GPHN: variants seen among roughly 807,000 people sequenced by gnomAD.
GPHN encodes the protein gephyrin.
Under a neutral mutation model 95.5 loss-of-function variants are expected in GPHN, and 17 were observed. That is an observed-to-expected ratio of 0.18 (90% CI 0.12 to 0.27). The LOEUF (loss-of-function observed/expected upper bound fraction) is 0.27, where lower values mean the gene tolerates loss of function less well. Ranked by LOEUF, GPHN falls within the 10% of genes least tolerant of loss-of-function variation. GPHN has a pLI of 1.00. For synonymous variants in GPHN, 320 were observed against 322.5 expected, an observed-to-expected ratio of 0.99 and a Z score of 0.08; for missense variants, 660 against 978.1, an observed-to-expected ratio of 0.67 and a Z score of 4.34.
intron 1 of GPHN, among the ~76,000 whole-genome samples, chr14:66,605,617 C>T (rs542648359): frequency 6.8e-6 from 1 of 147,380 alleles, no homozygotes; most frequent in Admixed American, 7.0e-5. Flanking sequence ...GCAATCTCTG[C>T]CCCCCAGGTT....
chr14:67,342,557 C>CTTTTT, the GPHN span, among the ~76,000 whole-genome samples: 154 of 136,946 alleles, frequency 1.1e-3, 2 homozygotes, highest in South Asian at 0.021. Context: ...ACGAATTATC[C>CTTTTT]TTTTTTTTTT....
the GPHN span, chr14:67,447,825 G>A: frequency 1.3e-5 from 2 of 152,296 alleles, no homozygotes; most frequent in South Asian, 4.2e-4. Context: ...TGGCGAATGT[G>A]GGTGGAAGTG....
the GPHN span, chr14:67,473,709 G>T: frequency 6.3e-7 from 1 of 1,599,146 alleles, no homozygotes; most frequent in South Asian, 1.1e-5. This position sits in a 1 kb window ranked among gnomAD's most constrained non-coding sequence, Gnocchi z 6.5. Context: ...CAGGAGCAGC[G>T]GGCAGCGGCC....
At chr14:67,710,883 T>G in the GPHN span, among the ~76,000 whole-genome samples, 1 of 152,194 alleles carries the variant, frequency 6.6e-6, no homozygotes, top group Non-Finnish European at 1.5e-5. Flanking sequence ...CCTAATTATT[T>G]TATTTTCATT....
chr14:67,524,516 C>T, the GPHN span, among the ~76,000 whole-genome samples: 8 of 152,136 alleles, frequency 5.3e-5, no homozygotes, highest in Non-Finnish European at 1.5e-5. Context: ...TTATGCCACT[C>T]CCACCCAGAA....
chr14:66,836,218 C>G (rs2061802189), intron 4 of GPHN, among the ~76,000 whole-genome samples: 1 of 133,760 alleles, frequency 7.5e-6, no homozygotes, highest in Non-Finnish European at 1.5e-5. Flanking sequence ...ATAACCAAAA[C>G]AGCGTGGTAC....
intron 21 of GPHN, among the ~76,000 whole-genome samples, chr14:67,176,051 A>G (rs752837471): frequency 6.6e-6 from 1 of 152,104 alleles, no homozygotes; most frequent in Admixed American, 6.5e-5. Flanking sequence ...CTCTTTTCCT[A>G]TTTGAATACC....
chr14:66,986,099 A>G (rs1326084139), intron 9 of GPHN, among the ~76,000 whole-genome samples: 1 of 149,624 alleles, frequency 6.7e-6, no homozygotes, highest in African/African-American at 2.5e-5. Context: ...TATTTTCAGA[A>G]TATTATCTCC....
chr14:66,958,179 T>A (rs917169218), intron 8 of GPHN, among the ~76,000 whole-genome samples: 1 of 152,232 alleles, frequency 6.6e-6, no homozygotes, highest in African/African-American at 2.4e-5. Flanking sequence ...TATGTATTTT[T>A]TTAATAATTG....
chr14:67,417,675 C>T, the GPHN span, among the ~76,000 whole-genome samples: 3 of 152,168 alleles, frequency 2.0e-5, no homozygotes, highest in Non-Finnish European at 4.4e-5. Context: ...AAGTGAGCCT[C>T]CTGCCTTGGC....
At chr14:67,005,088 C>G (rs2072509403) in intron 9 of GPHN, among the ~76,000 whole-genome samples, 1 of 139,236 alleles carries the variant, frequency 7.2e-6, no homozygotes, top group Admixed American at 7.2e-5. Context: ...GGAATTTGGT[C>G]TTTTTTTTTT....
intron 8 of GPHN, among the ~76,000 whole-genome samples, chr14:66,930,433 A>G (rs1268955544): frequency 6.6e-6 from 1 of 152,040 alleles, no homozygotes; most frequent in African/African-American, 2.4e-5. Context: ...GACAACTGAT[A>G]AAAACTCTAC....
chr14:67,576,078 T>A, the GPHN span: 1 of 1,223,892 alleles, frequency 8.2e-7, no homozygotes, highest in Non-Finnish European at 1.2e-6. This position sits in a 1 kb window ranked among gnomAD's most constrained non-coding sequence, Gnocchi z 4.0. Flanking sequence ...CTCTTTCTCC[T>A]GAGCTTCCCA....
At chr14:67,055,034 G>A (rs1048751407) in intron 10 of GPHN, among the ~76,000 whole-genome samples, 5 of 152,046 alleles carry the variant, frequency 3.3e-5, no homozygotes, top group East Asian at 1.9e-4. Context: ...ACATAGATAC[G>A]GACAAAGATT....
At chr14:66,618,748 C>A (rs1238946123) in intron 1 of GPHN, among the ~76,000 whole-genome samples, 4 of 152,070 alleles carry the variant, frequency 2.6e-5, no homozygotes, top group Non-Finnish European at 5.9e-5. Context: ...ATTTATGTTT[C>A]TGTTGGTGGT....
rs557441947 is a variant in GPHN, at chr14:66,960,469, G to T, written c.829-4722G>T. On this transcript the variant is annotated intron_variant, in intron 8 of 22. Coordinates refer to ENST00000478722, the MANE Select transcript of GPHN (RefSeq NM_020806.5). ...GTTATTTGTTTGTTATTCATTTTTT[G>T]AAATACTTTTTTCAAGCTTGTATTT... Among the ~76,000 whole-genome samples, 12 of 151,810 alleles carry T rather than the reference G, an allele frequency of 7.9e-5. No homozygotes were observed. The South Asian group carries it at 2.5e-3, about 31-fold the overall frequency.
At chr14:67,127,095 G>A (rs1372406562) in intron 17 of GPHN, among the ~76,000 whole-genome samples, 1 of 130,932 alleles carries the variant, frequency 7.6e-6, no homozygotes, top group Admixed American at 8.4e-5. Context: ...GGGGACTGTT[G>A]TGGGGTGGGG....
the GPHN span, among the ~76,000 whole-genome samples, chr14:67,611,457 G>A: frequency 6.6e-6 from 1 of 151,794 alleles, no homozygotes; most frequent in African/African-American, 2.4e-5. Context: ...AGTAGAGATG[G>A]GGTTTCACCG....
the GPHN span, among the ~76,000 whole-genome samples, chr14:67,733,053 A>G: frequency 4.6e-5 from 7 of 152,178 alleles, no homozygotes; most frequent in African/African-American, 7.2e-5. Context: ...GCACACCAAC[A>G]TGGCACATGT....
Sources: allele counts gnomAD v4.1 joint callset (sites outside exome capture counted in the v4.1 genomes callset), GRCh38; gene constraint gnomAD v4.1.1; non-coding constraint Gnocchi (gnomAD v3.1); transcripts MANE v1.5; gene names NCBI Gene and HGNC (gene_info 2026-07-23, HGNC 2026-07-21).